The following LNX1 variants were observed in gnomAD, a reference collection of about 807,000 sequenced individuals.
LNX1 encodes ligand of numb-protein X 1.
LNX1 carries 54 observed loss-of-function variants against 68.4 expected under a neutral mutation model. The observed-to-expected ratio is 0.79, with a 90% CI of 0.63 to 0.99. The LOEUF (loss-of-function observed/expected upper bound fraction) is 0.99. LNX1 is among the 50% of genes least tolerant of loss of function. LNX1 has a pLI of 0.00. For missense variants in LNX1, 906 were observed against 926.4 expected (o/e 0.98, Z 0.29); for synonymous variants, 336 against 350.0 (o/e 0.96, Z 0.45).
intron 6 of LNX1, among the ~76,000 whole-genome samples, chr4:53,486,615 G>A (rs1202867821): frequency 6.6e-6 from 1 of 152,112 alleles, no homozygotes; most frequent in Non-Finnish European, 1.5e-5. Flanking sequence ...AGAGAAATGG[G>A]GAATATACTT....
chr4:53,515,656 C>G (rs1579450547), intron 2 of LNX1, among the ~76,000 whole-genome samples: 1 of 152,210 alleles, frequency 6.6e-6, no homozygotes, highest in Middle Eastern at 3.4e-3. Context: ...GGGTAATGAC[C>G]ATAACCTTTC....
chr4:53,582,362 G>T (rs1325784844), intron 1 of LNX1, among the ~76,000 whole-genome samples: 1 of 151,948 alleles, frequency 6.6e-6, no homozygotes, highest in Non-Finnish European at 1.5e-5. Context: ...CTTCAAAGAA[G>T]CAAAGAATGT....
chr4:53,577,685 G>C (rs1731584880), intron 1 of LNX1, among the ~76,000 whole-genome samples: 1 of 151,850 alleles, frequency 6.6e-6, no homozygotes, highest in African/African-American at 2.4e-5. Context: ...AAAGTTCTAG[G>C]GTTACAGATG....
At chr4:53,462,217 A>AAGTT (rs1440779949) in intron 9 of LNX1, among the ~76,000 whole-genome samples, 1 of 152,112 alleles carries the variant, frequency 6.6e-6, no homozygotes, top group Non-Finnish European at 1.5e-5. Context: ...ACTGGATAGG[A>AAGTT]AGTTATAAAA....
chr4:53,546,147 A>T (rs989389259), intron 2 of LNX1, among the ~76,000 whole-genome samples: 1 of 152,176 alleles, frequency 6.6e-6, no homozygotes, highest in African/African-American at 2.4e-5. Flanking sequence ...AAGCTTGTTA[A>T]TGTTTCATGA....
chr4:53,617,960 ATTAT>A (rs1249724496), upstream of LNX1, among the ~76,000 whole-genome samples: 11 of 152,072 alleles, frequency 7.2e-5, no homozygotes, highest in Non-Finnish European at 1.6e-4. Context: ...TATATTAACA[ATTAT>A]TTTCTCTAGT....
intron 2 of LNX1, among the ~76,000 whole-genome samples, chr4:53,607,043 T>C: frequency 6.6e-6 from 1 of 152,114 alleles, no homozygotes. Context: ...TTTGAAAACC[T>C]GCACAAGACA....
intron 1 of LNX1, chr4:53,576,326 C>A (rs1349569712): frequency 2.5e-6 from 4 of 1,611,766 alleles, no homozygotes; most frequent in Non-Finnish European, 2.5e-6. Flanking sequence ...TACAGCGTGG[C>A]CCTGGTCCTA....
chr4:53,591,127 A>C (rs1732480983), intron 1 of LNX1, among the ~76,000 whole-genome samples: 1 of 152,218 alleles, frequency 6.6e-6, no homozygotes, highest in African/African-American at 2.4e-5. Flanking sequence ...TAATCAGATC[A>C]AGTACGAGGA....
intron 10 of LNX1, 26 bp from the exon 11 acceptor site, chr4:53,461,068 T>A (rs3811785): frequency 1.3e-6 from 2 of 1,534,490 alleles, no homozygotes; most frequent in South Asian, 2.5e-5. Context: ...AAACAAGATA[T>A]GATTAGTATT....
At chr4:53,543,908 CA>C (rs5858223) in intron 2 of LNX1, among the ~76,000 whole-genome samples, 24,287 of 152,036 alleles carry the variant, frequency 0.16, 2,113 homozygotes, top group Admixed American at 0.23. Flanking sequence ...CAAAAACAAA[CA>C]AAAAAACAAA....
intron 2 of LNX1, among the ~76,000 whole-genome samples, chr4:53,524,705 G>A (rs1408171607): frequency 6.6e-6 from 1 of 152,194 alleles, no homozygotes; most frequent in Non-Finnish European, 1.5e-5. Flanking sequence ...GTAAGGTTTA[G>A]GGGAAATAAA....
intron 5 of LNX1, among the ~76,000 whole-genome samples, chr4:53,497,078 T>G (rs1360692382): frequency 6.6e-6 from 1 of 152,238 alleles, no homozygotes; most frequent in Non-Finnish European, 1.5e-5. Flanking sequence ...CAAACTGATA[T>G]GAAAGGAAGT....
At chr4:53,469,909 A>T (rs1276573884) in intron 9 of LNX1, among the ~76,000 whole-genome samples, 6 of 152,102 alleles carry the variant, frequency 3.9e-5, no homozygotes, top group Non-Finnish European at 7.4e-5. Flanking sequence ...TTCTACCAGA[A>T]GTACAAGGAG....
chr4:53,612,834 G>C (rs1302419402), intron 2 of LNX1, among the ~76,000 whole-genome samples: 1 of 151,642 alleles, frequency 6.6e-6, no homozygotes, highest in Non-Finnish European at 1.5e-5. Flanking sequence ...GCAGTGATCT[G>C]TGGTCGTATC....
intron 2 of LNX1, among the ~76,000 whole-genome samples, chr4:53,553,869 T>G (rs941448689): frequency 1.3e-5 from 2 of 152,200 alleles, no homozygotes; most frequent in Non-Finnish European, 2.9e-5. Context: ...GGAAAGGCCC[T>G]GGTATAAACA....
chr4:53,474,924 G>A (rs1374908402), intron 9 of LNX1, among the ~76,000 whole-genome samples: 1 of 152,064 alleles, frequency 6.6e-6, no homozygotes, highest in Non-Finnish European at 1.5e-5. Context: ...GTGCCACCAC[G>A]CTTGGCTAAT....
rs1439313698 is a variant in LNX1 at position 53,498,260 on chromosome 4, A to AT, written c.978+380dup. On this transcript the variant is annotated intron_variant, in intron 5 of 10. Coordinates refer to ENST00000263925, the MANE Select transcript of LNX1 (RefSeq NM_001126328.3). ...TACTCTAAAAACAATTTAAGAAAATATATGTCCCAGTTTTATTTTATATTA... is the reference window on the plus strand; with the variant it reads ...TACTCTAAAAACAATTTAAGAAAATATTATGTCCCAGTTTTATTTTATATTA... 2.0e-5 allele frequency among the ~76,000 whole-genome samples: 3 copies of AT among 152,208 alleles called. No homozygotes were observed. In the East Asian group the frequency reaches 5.8e-4, roughly 29 times the overall value.
Position 53,642,818 on chromosome 4 carries a change from C to G in LNX1, c.-215+9350G>C, listed in dbSNP as rs78315295. 4.4e-3 allele frequency among the ~76,000 whole-genome samples: 667 copies of G among 152,250 alleles called. 6 individuals are homozygous for G. The highest frequency in any genetic ancestry group is 0.015 in the African/African-American group (636 of 41,542). ...TGCCATGACCATGAGAGGGGTCGCTCCACTTGAAGAATCCCCAGATCCCTC... is the reference window on the plus strand; with the variant it reads ...TGCCATGACCATGAGAGGGGTCGCTGCACTTGAAGAATCCCCAGATCCCTC... On this transcript the variant is annotated intron_variant, in intron 1 of 2. Transcript: ENST00000507168.
Sources: allele counts gnomAD v4.1 joint callset (sites outside exome capture counted in the v4.1 genomes callset), GRCh38; gene constraint gnomAD v4.1.1; transcripts MANE v1.5; gene names NCBI Gene and HGNC (gene_info 2026-07-23, HGNC 2026-07-21).